The following CREB3L2 variants were observed in gnomAD, a reference collection of about 807,000 sequenced individuals.
CREB3L2 encodes cyclic AMP-responsive element-binding protein 3-like protein 2.
In CREB3L2, 23 loss-of-function variants were observed where a neutral mutation model predicts 57.2. The ratio of observed to expected loss-of-function variants is 0.40; its 90% CI spans 0.29 to 0.57. CREB3L2 has a LOEUF of 0.57. Among genes scored for constraint, CREB3L2 ranks in the 20% least tolerant of loss-of-function variants. The pLI is 0.42. For missense variants in CREB3L2, 628 were observed against 634.7 expected (o/e 0.99, Z 0.11); for synonymous variants, 268 against 265.1 (o/e 1.01, Z -0.11).
At chr7:137,922,479 T>TAG (rs1292632607) in intron 2 of CREB3L2, 1 of 172,756 alleles carries the variant, frequency 5.8e-6, no homozygotes, top group African/African-American at 3.5e-5. Context: ...TACACACATA[T>TAG]ATATATACAC....
Position 137,880,787 on chromosome 7 carries a change from C to T in CREB3L2, c.1488-236G>A, listed in dbSNP as rs1473114871. Among the ~76,000 whole-genome samples the T allele has an allele frequency of 6.6e-6, 1 of 152,174 alleles. No homozygotes were observed. Among genetic ancestry groups the T allele is most frequent in the African/African-American group, 2.4e-5 (1 of 41,432 alleles). ...CTACACCCAAGGCATCCCAACCCTA[C>T]TAAGGATAATCATGGTGGCTTGATA... On this transcript the variant is annotated intron_variant, in intron 11 of 11. Coordinates refer to ENST00000330387, the MANE Select transcript of CREB3L2 (RefSeq NM_194071.4). The surrounding 1 kb of genome is among the most constrained non-coding windows in gnomAD (Gnocchi z 4.0).
At chr7:137,991,146 T>C (rs915334353) in intron 1 of CREB3L2, among the ~76,000 whole-genome samples, 8 of 152,030 alleles carry the variant, frequency 5.3e-5, no homozygotes, top group African/African-American at 1.9e-4. Flanking sequence ...GTCGTGGCTG[T>C]CATTGTTTTA....
At chr7:137,981,214 G>A (rs1801705144) in intron 1 of CREB3L2, among the ~76,000 whole-genome samples, 1 of 152,256 alleles carries the variant, frequency 6.6e-6, no homozygotes, top group Non-Finnish European at 1.5e-5. Context: ...GGAAAGAGAA[G>A]GAGAGAAAGG....
At chr7:137,997,667 G>A (rs1802008526) in intron 1 of CREB3L2, among the ~76,000 whole-genome samples, 2 of 152,156 alleles carry the variant, frequency 1.3e-5, no homozygotes, top group Admixed American at 6.5e-5. Flanking sequence ...GGTTAAGCCT[G>A]CAGTGAGCCA....
At chr7:137,987,399 C>CA (rs1457393226) in intron 1 of CREB3L2, among the ~76,000 whole-genome samples, 3 of 151,358 alleles carry the variant, frequency 2.0e-5, no homozygotes, top group Non-Finnish European at 3.0e-5. Flanking sequence ...CAAAAAAAAA[C>CA]AAAAAACAAA....
At chr7:137,909,703 G>T (rs559302047) in intron 4 of CREB3L2, among the ~76,000 whole-genome samples, 6 of 152,212 alleles carry the variant, frequency 3.9e-5, no homozygotes, top group East Asian at 1.9e-4. Context: ...GGATGGGAAG[G>T]GCTCTCCTGA....
intron 1 of CREB3L2, among the ~76,000 whole-genome samples, chr7:137,972,736 TAGAGAGAGAGAGAG>T (rs564670456): frequency 0.039 from 874 of 22,262 alleles, 68 homozygotes; most frequent in African/African-American, 0.1. Context: ...TATATATATA[TAGAGAGAGAGAGAG>T]AGAGAGAGAG....
chr7:137,910,207 T>C (rs1799977413), intron 4 of CREB3L2, among the ~76,000 whole-genome samples: 1 of 151,880 alleles, frequency 6.6e-6, no homozygotes, highest in Admixed American at 6.6e-5. Flanking sequence ...CCAACCCTGG[T>C]CCCCCCGGCC....
chr7:137,986,010 A>G (rs1434878589), intron 1 of CREB3L2, among the ~76,000 whole-genome samples: 1 of 152,190 alleles, frequency 6.6e-6, no homozygotes, highest in Non-Finnish European at 1.5e-5. Context: ...TGGAGAAAAA[A>G]AAATAGAAGA....
intron 1 of CREB3L2, among the ~76,000 whole-genome samples, chr7:137,976,616 C>T (rs1397345947): frequency 6.6e-6 from 1 of 152,162 alleles, no homozygotes; most frequent in African/African-American, 2.4e-5. Flanking sequence ...ATCCATCACC[C>T]CACTTTATTT....
At chr7:137,941,070 G>T (rs145295816) in intron 1 of CREB3L2, among the ~76,000 whole-genome samples, 219 of 152,310 alleles carry the variant, frequency 1.4e-3, no homozygotes, top group African/African-American at 5.1e-3. Flanking sequence ...AATGACATGT[G>T]TTGAGACATA....
rs1259280061 is a variant in CREB3L2, at chr7:137,877,713, A to G, written c.*2763T>C. The stretch of plus-strand genomic sequence containing the variant: ...CAGACTCGTATTTCTCAAAACTTAC[A>G]TTCAGAAGACACTGTCTGCCACTAT... On this transcript the variant is annotated 3_prime_UTR_variant, in exon 12 of 12. Coordinates refer to ENST00000330387, the MANE Select transcript of CREB3L2 (RefSeq NM_194071.4). 4.4e-6 allele frequency: 1 copy of G among 227,926 alleles called. No homozygotes were observed. Among genetic ancestry groups the G allele is most frequent in the Non-Finnish European group, 8.7e-6 (1 of 114,850 alleles). 14.1% of individuals were successfully genotyped at this position (227,926 alleles called of 1,614,324 possible). A position where few individuals can be genotyped will look rare whatever the true frequency, so the allele number is the denominator to read the frequency against.
At chr7:137,991,612 G>A (rs1325469137) in intron 1 of CREB3L2, among the ~76,000 whole-genome samples, 1 of 152,086 alleles carries the variant, frequency 6.6e-6, no homozygotes, top group Non-Finnish European at 1.5e-5. Context: ...TGAGTTCATA[G>A]ATCAAAAGGC....
chr7:137,888,033 GC>G (rs1453201031), intron 8 of CREB3L2, among the ~76,000 whole-genome samples: 9 of 152,136 alleles, frequency 5.9e-5, no homozygotes, highest in Admixed American at 3.3e-4. Flanking sequence ...GCTCACTGCA[GC>G]CTCAACCTCC....
intron 1 of CREB3L2, among the ~76,000 whole-genome samples, chr7:137,937,491 C>A (rs2117253607): frequency 6.6e-6 from 1 of 152,184 alleles, no homozygotes; most frequent in East Asian, 1.9e-4. Flanking sequence ...GTACCCTGCA[C>A]ACAACACACA....
chr7:137,935,330 A>G (rs544942965), intron 1 of CREB3L2, among the ~76,000 whole-genome samples: 1 of 152,334 alleles, frequency 6.6e-6, no homozygotes, highest in South Asian at 2.1e-4. Flanking sequence ...CTTGCACACC[A>G]GCTTCTCGCA....
intron 2 of CREB3L2, among the ~76,000 whole-genome samples, chr7:137,927,506 A>C (rs1306664293): frequency 6.6e-6 from 1 of 152,098 alleles, no homozygotes; most frequent in East Asian, 1.9e-4. Context: ...CACTTAAAAG[A>C]TATATATGCC....
intron 1 of CREB3L2, among the ~76,000 whole-genome samples, chr7:137,975,373 A>G (rs1801587904): frequency 6.6e-6 from 1 of 152,172 alleles, no homozygotes; most frequent in South Asian, 2.1e-4. Flanking sequence ...AATGAGTCCC[A>G]TATTTGGGCC....
At chr7:137,975,700 TTCAGTTAGAGCCCGAAAC>T (rs1311208013) in intron 1 of CREB3L2, among the ~76,000 whole-genome samples, 1 of 152,102 alleles carries the variant, frequency 6.6e-6, no homozygotes, top group Non-Finnish European at 1.5e-5. Context: ...GCAGGAAAGA[TTCAGTTAGAGCCCGAAAC>T]TAAATTTAAA....
Sources: gnomAD v4.1 joint callset for allele counts (sites outside exome capture counted in the v4.1 genomes callset) on GRCh38, gnomAD v4.1.1 for gene constraint, Gnocchi (gnomAD v3.1) non-coding constraint, MANE v1.5 for transcripts, NCBI Gene and HGNC (gene_info 2026-07-23, HGNC 2026-07-21) for gene names.